Variants in TSPEAR observed in about 807,000 individuals in gnomAD.
TSPEAR encodes the protein thrombospondin-type laminin G domain and EAR repeat-containing protein.
Under a neutral mutation model 71.6 loss-of-function variants are expected in TSPEAR, and 69 were observed. The observed-to-expected ratio is 0.96, with a 90% CI of 0.79 to 1.18. The LOEUF (loss-of-function observed/expected upper bound fraction) is 1.18. TSPEAR is among the 50% of genes most tolerant of loss of function. TSPEAR has a pLI of 0.00. For missense variants in TSPEAR, 971 were observed against 894.9 expected (o/e 1.09, Z -1.09); for synonymous variants, 402 against 387.2 (o/e 1.04, Z -0.45).
intron 2 of TSPEAR, among the ~76,000 whole-genome samples, chr21:44,554,980 T>C (rs1216232835): frequency 6.6e-6 from 1 of 152,002 alleles, no homozygotes; most frequent in Non-Finnish European, 1.5e-5. Flanking sequence ...CTCACTTTAA[T>C]AGTTAAAAAA....
At chr21:44,515,060 G>A (rs587714200) in intron 9 of TSPEAR, among the ~76,000 whole-genome samples, 28 of 152,170 alleles carry the variant, frequency 1.8e-4, no homozygotes, top group South Asian at 6.2e-4. Flanking sequence ...CAGAAAGGGC[G>A]CCTCTCTATG....
intron 2 of TSPEAR, chr21:44,558,000 G>T: frequency 6.4e-7 from 1 of 1,563,836 alleles, no homozygotes; most frequent in Non-Finnish European, 8.7e-7. Flanking sequence ...AAGGATTTTC[G>T]GAAGTCAGAG....
chr21:44,703,887 C>T (rs1323617241), intron 1 of TSPEAR, among the ~76,000 whole-genome samples: 1 of 152,164 alleles, frequency 6.6e-6, no homozygotes, highest in East Asian at 1.9e-4. Flanking sequence ...AGTGCCACCG[C>T]CCAGCTCCTG....
chr21:44,599,134 T>TCTCTCTCTC (rs1980573681), intron 1 of TSPEAR, among the ~76,000 whole-genome samples: 16 of 92,274 alleles, frequency 1.7e-4, no homozygotes, highest in African/African-American at 4.3e-4. Flanking sequence ...GGCCCCCATT[T>TCTCTCTCTC]TCTCTCTCTC....
intron 1 of TSPEAR, among the ~76,000 whole-genome samples, chr21:44,576,799 G>A (rs959593833): frequency 2.0e-5 from 3 of 152,128 alleles, no homozygotes; most frequent in Non-Finnish European, 2.9e-5. Flanking sequence ...CGACTTAAGG[G>A]ATATTTATAC....
chr21:44,588,305 G>A (rs1979474540), intron 1 of TSPEAR, among the ~76,000 whole-genome samples: 1 of 152,184 alleles, frequency 6.6e-6, no homozygotes, highest in African/African-American at 2.4e-5. Flanking sequence ...TGAAGGAAAT[G>A]CAAATCAAAA....
intron 1 of TSPEAR, among the ~76,000 whole-genome samples, chr21:44,671,204 C>T (rs1166307244): frequency 6.6e-6 from 1 of 152,214 alleles, no homozygotes; most frequent in Admixed American, 6.5e-5. Flanking sequence ...TGGGGACTGG[C>T]TTGCCCAGCC....
chr21:44,646,774 A>G (rs1673369624), intron 1 of TSPEAR: 1 of 1,612,776 alleles, frequency 6.2e-7, no homozygotes, highest in Non-Finnish European at 8.5e-7. Flanking sequence ...TGTCTGCTGC[A>G]AGACTGTCTG....
At chr21:44,627,964 GCCT>G in intron 1 of TSPEAR, 1 of 1,517,086 alleles carries the variant, frequency 6.6e-7, no homozygotes, top group Non-Finnish European at 9.0e-7. Context: ...TTGCCGCCAG[GCCT>G]CCTGTGTGTC....
chr21:44,638,311 C>CA, intron 1 of TSPEAR: 2 of 706,812 alleles, frequency 2.8e-6, no homozygotes, highest in Non-Finnish European at 4.2e-6. Flanking sequence ...GATGCTCCCC[C>CA]AGTCCTTCCC....
Position 44,690,288 on chromosome 21 carries a change from ACTC to A in TSPEAR, c.82+21142_82+21144del, listed in dbSNP as rs543687127. 7.9e-5 allele frequency among the ~76,000 whole-genome samples: 12 copies of A among 152,330 alleles called. No homozygotes were observed. In the East Asian group the frequency reaches 2.1e-3, roughly 27 times the overall value. Reference sequence around the variant, plus strand: ...GAATGATGAGCGGATGCACAAATAAACTCCTAAAGAGGAGCATTTCCCAAGGCT... The same window carrying A: ...GAATGATGAGCGGATGCACAAATAAACTAAAGAGGAGCATTTCCCAAGGCT... On this transcript the variant is annotated intron_variant, in intron 1 of 11. Coordinates refer to ENST00000323084, the MANE Select transcript of TSPEAR (RefSeq NM_144991.3).
chr21:44,539,304 AGCAGGCCG>A, intron 2 of TSPEAR: 2 of 1,609,084 alleles, frequency 1.2e-6, no homozygotes, highest in Non-Finnish European at 1.7e-6. Flanking sequence ...CAGAGGCCTC[AGCAGGCCG>A]GGCGGGAGCA....
intron 1 of TSPEAR, among the ~76,000 whole-genome samples, chr21:44,698,815 C>G (rs1987511135): frequency 6.6e-6 from 1 of 152,222 alleles, no homozygotes; most frequent in Non-Finnish European, 1.5e-5. Context: ...GTGTCTGAAG[C>G]CTACTGCCCA....
In TSPEAR at chr21:44,687,827, T is replaced by C. The variant is rs1555949135; in HGVS notation, c.82+23606A>G. On this transcript the variant is annotated intron_variant, in intron 1 of 11. Coordinates refer to ENST00000323084, the MANE Select transcript of TSPEAR (RefSeq NM_144991.3). The surrounding 1 kb of genome is among the most constrained non-coding windows in gnomAD (Gnocchi z 4.4). ...CCCTTGAGATTTGAATCATTTCACA[T>C]GCAAAACAAATGCTGAACTCGAGTT... is the stretch of plus-strand genomic sequence containing the variant. Among the ~76,000 whole-genome samples the C allele has an allele frequency of 6.6e-6, 1 of 152,220 alleles. No homozygotes were observed. Among genetic ancestry groups the C allele is most frequent in the Non-Finnish European group, 1.5e-5 (1 of 68,036 alleles).
At position 44,498,658 on chromosome 21, in the gene TSPEAR, G is replaced by A. The variant is rs905358180; in HGVS notation, c.*1125C>T. 1 of 152,296 alleles carries A rather than the reference G, an allele frequency of 6.6e-6. No individual in the cohort carries two copies. The highest frequency in any genetic ancestry group is 6.5e-5 in the Admixed American group (1 of 15,286). 9.4% of individuals were successfully genotyped at this position (152,296 alleles called of 1,614,324 possible). ...TAGGAAATAGGAAGTTTTGTCCACA[G>A]TTCTGATTGGCGGAAAAAGCACATT... On this transcript the variant is annotated 3_prime_UTR_variant, in exon 12 of 12. Coordinates refer to ENST00000323084, the MANE Select transcript of TSPEAR (RefSeq NM_144991.3).
intron 2 of TSPEAR, chr21:44,558,769 G>C: frequency 1.9e-6 from 3 of 1,556,542 alleles, no homozygotes. Context: ...GAGTGTGGGA[G>C]TGAGTGAGGG....
intron 2 of TSPEAR, chr21:44,539,441 C>A: frequency 1.2e-6 from 2 of 1,612,852 alleles, no homozygotes; most frequent in South Asian, 1.1e-5. Context: ...GCATACAGGG[C>A]GGCAGAGGAG....
At chr21:44,650,588 C>A (rs146264940) in intron 1 of TSPEAR, among the ~76,000 whole-genome samples, 4 of 152,388 alleles carry the variant, frequency 2.6e-5, no homozygotes, top group Admixed American at 2.6e-4. Flanking sequence ...TCTCCTTCAC[C>A]ACCATGGAAG....
intron 1 of TSPEAR, among the ~76,000 whole-genome samples, chr21:44,608,599 T>G (rs587630338): frequency 6.6e-6 from 1 of 152,362 alleles, no homozygotes; most frequent in South Asian, 2.1e-4. Context: ...GCAAATGTCT[T>G]GAACAGGCAC....
Sources: gnomAD v4.1 joint callset for allele counts (sites outside exome capture counted in the v4.1 genomes callset) on GRCh38, gnomAD v4.1.1 for gene constraint, Gnocchi (gnomAD v3.1) non-coding constraint, MANE v1.5 for transcripts, NCBI Gene and HGNC (gene_info 2026-07-23, HGNC 2026-07-21) for gene names.